Variants in GREB1L observed in about 807,000 individuals in gnomAD.
GREB1L encodes the protein GREB1-like protein.
A neutral mutation model predicts 200.8 loss-of-function variants in GREB1L; 17 were observed. The observed-to-expected ratio is 0.08, with a 90% confidence interval of 0.06 to 0.13. GREB1L has a LOEUF of 0.13. Among genes scored for constraint, GREB1L ranks in the 10% least tolerant of loss-of-function variants. GREB1L has a pLI of 1.00. For missense variants in GREB1L, 1,657 were observed against 2,367.7 expected, an observed-to-expected ratio of 0.70 and a Z score of 6.23; for synonymous variants, 789 against 893.0, an observed-to-expected ratio of 0.88 and a Z score of 2.08.
At chr18:21,474,122 C>T (rs1391899314) in intron 16 of GREB1L, among the ~76,000 whole-genome samples, 1 of 152,128 alleles carries the variant, frequency 6.6e-6, no homozygotes, top group Non-Finnish European at 1.5e-5. Flanking sequence ...CCTCCCAAAT[C>T]TCATATCTTC....
intron 27 of GREB1L, among the ~76,000 whole-genome samples, chr18:21,509,503 C>T (rs1466554237): frequency 6.6e-6 from 1 of 152,214 alleles, no homozygotes; most frequent in Admixed American, 6.5e-5. Context: ...CTCTCCCTTC[C>T]TTCTTAGGTC....
At chr18:21,437,478 A>G (rs2033620642) in intron 7 of GREB1L, among the ~76,000 whole-genome samples, 1 of 152,124 alleles carries the variant, frequency 6.6e-6, no homozygotes, top group Non-Finnish European at 1.5e-5. Context: ...TTTTGAACCT[A>G]CTAATCAATC....
chr18:21,269,386 G>T (rs944434329), intron 1 of GREB1L, among the ~76,000 whole-genome samples: 7 of 152,148 alleles, frequency 4.6e-5, no homozygotes, highest in East Asian at 1.9e-4. Flanking sequence ...TTTATAATTT[G>T]GGGATTATGC....
intron 19 of GREB1L, among the ~76,000 whole-genome samples, chr18:21,492,489 T>C (rs1434685588): frequency 3.7e-4 from 57 of 152,176 alleles, no homozygotes; most frequent in Admixed American, 3.7e-3. Context: ...TTGACACTGA[T>C]TAAGTGAAGC....
At chr18:21,265,261 C>T (rs751355970) in intron 1 of GREB1L, among the ~76,000 whole-genome samples, 7 of 151,700 alleles carry the variant, frequency 4.6e-5, no homozygotes, top group African/African-American at 7.3e-5. Flanking sequence ...GCTGTGTGTA[C>T]GAAATTCCCA....
intron 4 of GREB1L, among the ~76,000 whole-genome samples, chr18:21,393,646 G>A (rs2040922065): frequency 6.6e-6 from 1 of 152,154 alleles, no homozygotes; most frequent in South Asian, 2.1e-4. Flanking sequence ...AGCCAAGATG[G>A]TCTCGATCTC....
intron 6 of GREB1L, among the ~76,000 whole-genome samples, chr18:21,402,152 T>C (rs2041342329): frequency 6.6e-6 from 1 of 152,196 alleles, no homozygotes; most frequent in African/African-American, 2.4e-5. Flanking sequence ...ACTTAACGCT[T>C]GTGACCACTG....
chr18:21,409,726 A>C (rs1598780407), intron 7 of GREB1L, among the ~76,000 whole-genome samples: 1 of 152,244 alleles, frequency 6.6e-6, no homozygotes, highest in South Asian at 2.1e-4. Context: ...AAGATACTGT[A>C]CCTGACATAT....
At chr18:21,502,833 C>T (rs1298051288) in intron 23 of GREB1L, among the ~76,000 whole-genome samples, 2 of 152,176 alleles carry the variant, frequency 1.3e-5, no homozygotes, top group Non-Finnish European at 2.9e-5. Context: ...CAGAGTGATG[C>T]CTTTGATTTT....
intron 5 of GREB1L, 81 bp downstream of exon 5, chr18:21,395,642 T>A (rs755815855): frequency 5.5e-5 from 55 of 996,488 alleles, no homozygotes; most frequent in Non-Finnish European, 7.8e-5. Flanking sequence ...TGCAGAATTT[T>A]AAAAAATATA....
intron 4 of GREB1L, among the ~76,000 whole-genome samples, chr18:21,391,970 C>A (rs2040833533): frequency 6.6e-6 from 1 of 152,126 alleles, no homozygotes; most frequent in Non-Finnish European, 1.5e-5. Context: ...CCACCACCCC[C>A]AGCTAATGTT....
chr18:21,342,136 A>G (rs1008832860), intron 1 of GREB1L, among the ~76,000 whole-genome samples: 1 of 152,172 alleles, frequency 6.6e-6, no homozygotes, highest in African/African-American at 2.4e-5. Flanking sequence ...ATGCATTTGT[A>G]AAATTTCAGA....
intron 7 of GREB1L, among the ~76,000 whole-genome samples, chr18:21,436,977 C>G (rs1206520007): frequency 6.6e-6 from 1 of 152,088 alleles, no homozygotes; most frequent in Admixed American, 6.5e-5. Flanking sequence ...ACCCAAAGTG[C>G]TGGGATTACA....
intron 31 of GREB1L, among the ~76,000 whole-genome samples, chr18:21,520,061 T>C (rs1414456064): frequency 2.0e-5 from 3 of 152,088 alleles, no homozygotes; most frequent in African/African-American, 7.2e-5. Flanking sequence ...CTCCGTCTCC[T>C]GAGTAGCTGG....
intron 1 of GREB1L, among the ~76,000 whole-genome samples, chr18:21,357,782 C>T (rs1442152871): frequency 3.9e-5 from 6 of 152,062 alleles, no homozygotes; most frequent in East Asian, 1.9e-4. Context: ...ACCATAAATG[C>T]GTGGATTAAT....
intron 1 of GREB1L, among the ~76,000 whole-genome samples, chr18:21,277,358 T>A (rs1043527947): frequency 2.0e-5 from 3 of 152,222 alleles, no homozygotes; most frequent in African/African-American, 7.2e-5. Context: ...CTTTTCATCC[T>A]TGTCTTCTTG....
At chr18:21,434,499 A>ATATATATATATATG (rs1392320151) in intron 7 of GREB1L, among the ~76,000 whole-genome samples, 5 of 127,282 alleles carry the variant, frequency 3.9e-5, no homozygotes, top group African/African-American at 1.7e-4. Flanking sequence ...ATATATATAT[A>ATATATATATATATG]TGTGTGTGTG....
Position 21,525,780 on chromosome 18 carries a change from A to G in GREB1L, c.*2959A>G, listed in dbSNP as rs1292331299. 6.6e-6 allele frequency among the ~76,000 whole-genome samples: 1 copy of G among 152,340 alleles called. No individual in the cohort carries two copies. Among genetic ancestry groups the G allele is most frequent in the Admixed American group, 6.5e-5 (1 of 15,292 alleles). On this transcript the variant is annotated 3_prime_UTR_variant, in exon 33 of 33. Coordinates refer to ENST00000424526, the MANE Select transcript of GREB1L (RefSeq NM_001142966.3). ...GTAGTATGAATTATATCTTCTTAAA[A>G]AATTTTACCAACTTTTGAGAATAAC...
chr18:21,302,100 T>C (rs2038626707), intron 1 of GREB1L, among the ~76,000 whole-genome samples: 2 of 152,264 alleles, frequency 1.3e-5, no homozygotes, highest in African/African-American at 4.8e-5. Flanking sequence ...TTCTCTGTTT[T>C]GTTTCTTCTT....
Sources: gnomAD v4.1 joint callset for allele counts (sites outside exome capture counted in the v4.1 genomes callset) on GRCh38, gnomAD v4.1.1 for gene constraint, MANE v1.5 for transcripts, NCBI Gene and HGNC (gene_info 2026-07-23, HGNC 2026-07-21) for gene names.